PCDH9: variants seen among roughly 807,000 people sequenced by gnomAD.
PCDH9 encodes the protein protocadherin-9.
In PCDH9, 24 loss-of-function variants were observed where a neutral mutation model predicts 70.6. The ratio of observed to expected loss-of-function variants is 0.34; its 90% CI spans 0.25 to 0.48. The LOEUF is 0.48. PCDH9 is among the 20% of genes least tolerant of loss of function. The pLI is 0.99. For missense variants in PCDH9, 1,281 were observed against 1,503.6 expected, an observed-to-expected ratio of 0.85 and a Z score of 2.45; for synonymous variants, 562 against 558.5, an observed-to-expected ratio of 1.01 and a Z score of -0.09.
intron 4 of PCDH9, among the ~76,000 whole-genome samples, chr13:66,427,195 GAATA>G (rs1957685944): frequency 6.6e-6 from 1 of 151,370 alleles, no homozygotes. Context: ...AACCTGTGAG[GAATA>G]AATGTTTCAT....
intron 3 of PCDH9, among the ~76,000 whole-genome samples, chr13:66,690,571 G>C (rs1593900081): frequency 6.6e-6 from 1 of 152,188 alleles, no homozygotes; most frequent in African/African-American, 2.4e-5. Context: ...TATGAAAACA[G>C]AGGGAAAGGC....
intron 3 of PCDH9, among the ~76,000 whole-genome samples, chr13:66,848,954 A>T (rs1320522182): frequency 1.4e-5 from 2 of 144,546 alleles, no homozygotes; most frequent in Non-Finnish European, 3.1e-5. Flanking sequence ...AAAAAAAAAT[A>T]GAGGAGCCAA....
intron 2 of PCDH9, among the ~76,000 whole-genome samples, chr13:67,096,274 A>C (rs534308641): frequency 1.5e-3 from 235 of 152,290 alleles, no homozygotes; most frequent in African/African-American, 5.0e-3. Context: ...ATTTTAACTA[A>C]ATTTTCATAT....
chr13:66,345,958 C>T (rs1956206512), intron 4 of PCDH9, among the ~76,000 whole-genome samples: 2 of 152,086 alleles, frequency 1.3e-5, no homozygotes, highest in South Asian at 4.2e-4. Context: ...AGGGGAAAAG[C>T]CGTCAATAAA....
chr13:66,970,917 G>A (rs2083511221), intron 2 of PCDH9, among the ~76,000 whole-genome samples: 1 of 151,978 alleles, frequency 6.6e-6, no homozygotes, highest in African/African-American at 2.4e-5. Context: ...AATGATCAGT[G>A]TCAGAATGGC....
chr13:67,158,485 G>T (rs1011557649), intron 2 of PCDH9, among the ~76,000 whole-genome samples: 1 of 152,176 alleles, frequency 6.6e-6, no homozygotes, highest in Non-Finnish European at 1.5e-5. Context: ...CCTTTGAGAA[G>T]TAATTCCGTC....
chr13:66,384,936 T>C (rs1476286343), intron 4 of PCDH9, among the ~76,000 whole-genome samples: 2 of 152,226 alleles, frequency 1.3e-5, no homozygotes, highest in South Asian at 2.1e-4. Flanking sequence ...CCCAAAGTGC[T>C]GGGATTGCAG....
intron 4 of PCDH9, among the ~76,000 whole-genome samples, chr13:66,363,169 ACTCT>A (rs1340175630): frequency 6.6e-6 from 1 of 151,946 alleles, no homozygotes; most frequent in Non-Finnish European, 1.5e-5. Flanking sequence ...ACAGAGCAAG[ACTCT>A]CTCTCAAAAA....
intron 2 of PCDH9, among the ~76,000 whole-genome samples, chr13:66,920,119 A>G (rs1056045429): frequency 4.0e-5 from 6 of 151,160 alleles, no homozygotes; most frequent in African/African-American, 1.5e-4. Flanking sequence ...CTTGATATCT[A>G]AACACTGTTT....
At chr13:66,991,803 T>C (rs755346364) in intron 2 of PCDH9, among the ~76,000 whole-genome samples, 1 of 152,012 alleles carries the variant, frequency 6.6e-6, no homozygotes, top group Non-Finnish European at 1.5e-5. Context: ...AGTGTTTCAA[T>C]GAAGGATACT....
chr13:66,708,885 A>G (rs2078753916), intron 3 of PCDH9, among the ~76,000 whole-genome samples: 1 of 152,178 alleles, frequency 6.6e-6, no homozygotes, highest in Admixed American at 6.5e-5. Context: ...GCCCCCAACC[A>G]AATCTTCAGA....
At chr13:66,454,091 C>T (rs757420367) in intron 4 of PCDH9, among the ~76,000 whole-genome samples, 3 of 151,800 alleles carry the variant, frequency 2.0e-5, no homozygotes, top group Non-Finnish European at 4.4e-5. Flanking sequence ...TAGTTTCTGT[C>T]CAAACCAAAA....
At chr13:66,717,313 G>A (rs1038343245) in intron 3 of PCDH9, among the ~76,000 whole-genome samples, 1 of 151,112 alleles carries the variant, frequency 6.6e-6, no homozygotes, top group East Asian at 2.0e-4. Context: ...TTAGCCAGGT[G>A]TAGTGGCTAG....
At chr13:66,783,389 A>T (rs1450222401) in intron 3 of PCDH9, among the ~76,000 whole-genome samples, 1 of 152,118 alleles carries the variant, frequency 6.6e-6, no homozygotes, top group African/African-American at 2.4e-5. Flanking sequence ...AGACTAAGTC[A>T]CCATGCCAAA....
chr13:66,871,866 ACATACTCC>A (rs2081696543), intron 3 of PCDH9, among the ~76,000 whole-genome samples: 2 of 152,206 alleles, frequency 1.3e-5, no homozygotes, highest in South Asian at 4.1e-4. Context: ...TTTGTCTGAA[ACATACTCC>A]TCTACTTTCA....
Position 66,785,266 on chromosome 13 carries a change from C to A in PCDH9, c.3138+118238G>T, listed in dbSNP as rs1253083559. On this transcript the variant is annotated intron_variant, in intron 3 of 4. Transcript: ENST00000377865. ...AAGCCATAATAAAAAGTAAATAAAT[C>A]CTTGTCTGTATTATCTATTATGCCT... Among the ~76,000 whole-genome samples the A allele has an allele frequency of 2.0e-5, 3 of 151,824 alleles. 1 individual carries two copies. The highest frequency in any genetic ancestry group is 4.1e-4 in the South Asian group (2 of 4,824).
intron 2 of PCDH9, among the ~76,000 whole-genome samples, chr13:66,943,189 A>G (rs1340881080): frequency 2.6e-5 from 4 of 152,010 alleles, no homozygotes; most frequent in Admixed American, 2.6e-4. Flanking sequence ...TACGTCTTAT[A>G]TTACATTACA....
At chr13:67,028,661 T>G (rs1232473546) in intron 2 of PCDH9, among the ~76,000 whole-genome samples, 1 of 152,114 alleles carries the variant, frequency 6.6e-6, no homozygotes, top group Non-Finnish European at 1.5e-5. Flanking sequence ...CAAGGCTGTA[T>G]GACTTAATTT....
chr13:66,653,963 G>A (rs1170142718), intron 3 of PCDH9, among the ~76,000 whole-genome samples: 1 of 29,956 alleles, frequency 3.3e-5, no homozygotes, highest in Non-Finnish European at 8.5e-5. Flanking sequence ...GCGAGACTCC[G>A]TCTCAAAATT....
Sources: gnomAD v4.1 joint callset for allele counts (sites outside exome capture counted in the v4.1 genomes callset) on GRCh38, gnomAD v4.1.1 for gene constraint, MANE v1.5 for transcripts, NCBI Gene and HGNC (gene_info 2026-07-23, HGNC 2026-07-21) for gene names.